Variants in ZNF782 observed in about 807,000 individuals in gnomAD.
The protein encoded by ZNF782 is zinc finger protein 782.
A neutral mutation model predicts 13.0 loss-of-function variants in ZNF782; 12 were observed. That is an observed-to-expected ratio of 0.92 (90% CI 0.59 to 1.50). The LOEUF (loss-of-function observed/expected upper bound fraction) is 1.50. Among genes scored for constraint, ZNF782 ranks in the 40% most tolerant of loss-of-function variants. The pLI is 0.00. For missense variants in ZNF782, 770 were observed against 822.9 expected, an observed-to-expected ratio of 0.94 and a Z score of 0.79; for synonymous variants, 284 against 283.0, an observed-to-expected ratio of 1.00 and a Z score of -0.04.
chr9:96,877,528 G>T (rs1336120897), upstream of ZNF782, among the ~76,000 whole-genome samples: 1 of 152,380 alleles, frequency 6.6e-6, no homozygotes, highest in East Asian at 1.9e-4. Flanking sequence ...TCCTCCGCGC[G>T]TCTCCCGCCT....
intron 3 of ZNF782, among the ~76,000 whole-genome samples, chr9:96,846,858 A>C (rs1163278673): frequency 6.6e-6 from 1 of 152,178 alleles, no homozygotes. Flanking sequence ...GATATTTACA[A>C]AATGCTCTCC....
chr9:96,897,118 G>A, the ZNF782 span, among the ~76,000 whole-genome samples: 1 of 152,234 alleles, frequency 6.6e-6, no homozygotes, highest in South Asian at 2.1e-4. Flanking sequence ...TATCCTCTGT[G>A]TGGAGCCTGG....
chr9:96,817,877 T>C lies in ZNF782; in HGVS notation c.*46A>G. 6.7e-7 allele frequency: 1 copy of C among 1,492,526 alleles called. No homozygotes were observed. The highest frequency in any genetic ancestry group is 1.4e-5 in the African/African-American group (1 of 71,116). The allele number at this position is 1,492,526 out of a possible 1,614,324, so 92.5% of individuals were successfully genotyped here. A position where few individuals can be genotyped will look rare whatever the true frequency, so the allele number is the denominator to read the frequency against. ...TGTGTTCATTTATGTATTGTGAGGT[T>C]TGATTTCCAGCTCAGAGTTTTTTCG... On this transcript the variant is annotated 3_prime_UTR_variant, in exon 6 of 6. Coordinates refer to ENST00000481138, the MANE Select transcript of ZNF782 (RefSeq NM_001001662.3).
chr9:96,838,993 C>T (rs570360188), intron 4 of ZNF782, among the ~76,000 whole-genome samples: 2 of 152,164 alleles, frequency 1.3e-5, no homozygotes, highest in African/African-American at 4.8e-5. Context: ...GGATTACAGT[C>T]GTGAGCCACA....
chr9:96,817,874 G>T lies in ZNF782; in HGVS notation c.*49C>A. The stretch of plus-strand genomic sequence containing the variant: ...CTGTGTGTTCATTTATGTATTGTGA[G>T]GTTTGATTTCCAGCTCAGAGTTTTT... On this transcript the variant is annotated 3_prime_UTR_variant, in exon 6 of 6. Transcript: ENST00000481138. 6.8e-7 allele frequency: 1 copy of T among 1,472,622 alleles called. No homozygotes were observed. The highest frequency in any genetic ancestry group is 9.1e-7 in the Non-Finnish European group (1 of 1,096,626). The allele number at this position is 1,472,622 out of a possible 1,614,324, so 91.2% of individuals were successfully genotyped here.
Position 96,819,103 on chromosome 9 carries a change from T to C in ZNF782, c.920A>G (p.His307Arg). 1.9e-6 allele frequency: 3 copies of C among 1,614,134 alleles called. No individual in the cohort carries two copies. Among genetic ancestry groups the C allele is most frequent in the Non-Finnish European group, 2.5e-6 (3 of 1,180,038 alleles). The change falls in exon 6 of 6, where the codon CAT (histidine) becomes CGT (arginine). Residue 307 changes from histidine (H) to arginine (R), a missense_variant. Physicochemically the swap from His to Arg is conservative, Grantham distance 29 (BLOSUM62 0). Coordinates refer to ENST00000481138, the MANE Select transcript of ZNF782 (RefSeq NM_001001662.3). Reference sequence around the variant, plus strand: ...ATATTCAAAGGGTTTCACCCCTATATGAACTCTATGATGTTCTCTAATGTG... The same window carrying C: ...ATATTCAAAGGGTTTCACCCCTATACGAACTCTATGATGTTCTCTAATGTG... ...KSHIREHHRV[H>R]IGVKPFEYGK... is the part of the protein sequence containing the mutation.
chr9:96,920,438 T>C, the ZNF782 span, among the ~76,000 whole-genome samples: 1 of 149,150 alleles, frequency 6.7e-6, no homozygotes, highest in African/African-American at 2.4e-5. Flanking sequence ...GGCTAATTTT[T>C]TGTATTTTTA....
the ZNF782 span, among the ~76,000 whole-genome samples, chr9:96,914,482 T>C: frequency 3.3e-5 from 5 of 151,664 alleles, no homozygotes; most frequent in Admixed American, 6.6e-5. Flanking sequence ...TATAGATGCT[T>C]GTTACATCTA....
the ZNF782 span, among the ~76,000 whole-genome samples, chr9:96,900,420 CAAG>C: frequency 1.3e-5 from 2 of 151,326 alleles, no homozygotes; most frequent in South Asian, 2.1e-4. Flanking sequence ...AAATGGCTTC[CAAG>C]AAGAATAGTA....
At chr9:96,912,198 GAAAAAAA>G in the ZNF782 span, among the ~76,000 whole-genome samples, 4 of 56,764 alleles carry the variant, frequency 7.0e-5, no homozygotes, top group East Asian at 3.2e-4. Flanking sequence ...ACTCCGTCTC[GAAAAAAA>G]AAAAAAAAAA....
chr9:96,826,830 G>A (rs1850638426), intron 5 of ZNF782, among the ~76,000 whole-genome samples: 1 of 152,156 alleles, frequency 6.6e-6, no homozygotes, highest in South Asian at 2.1e-4. Context: ...CCAGTTCTGG[G>A]TAGACAACAT....
intron 4 of ZNF782, among the ~76,000 whole-genome samples, chr9:96,835,947 G>A (rs910150246): frequency 6.6e-6 from 1 of 152,202 alleles, no homozygotes; most frequent in South Asian, 2.1e-4. Context: ...CAAAATTGTA[G>A]AGCCACCAGT....
intron 4 of ZNF782, among the ~76,000 whole-genome samples, chr9:96,833,324 CT>C (rs1019807795): frequency 6.6e-6 from 1 of 152,138 alleles, no homozygotes; most frequent in African/African-American, 2.4e-5. Flanking sequence ...TACCTAATGT[CT>C]TTTTCCTGTT....
At chr9:96,919,903 G>T in the ZNF782 span, among the ~76,000 whole-genome samples, 1,712 of 151,494 alleles carry the variant, frequency 0.011, 44 homozygotes, top group African/African-American at 0.039. Context: ...GTTTAGATTT[G>T]GGGACTAGCA....
At chr9:96,894,170 A>T in the ZNF782 span, 1 of 152,108 alleles carries the variant, frequency 6.6e-6, no homozygotes, top group South Asian at 2.1e-4. Flanking sequence ...AGGGCGGGGA[A>T]CATCACACAC....
In ZNF782 at chr9:96,818,518, CCT is replaced by C. The variant is rs773908576; in HGVS notation, c.1503_1504del (p.Glu503LysfsTer4). 10 of 1,613,800 alleles carry C rather than the reference CCT, an allele frequency of 6.2e-6. No individual in the cohort carries two copies. Among genetic ancestry groups the C allele is most frequent in the South Asian group, 3.3e-5 (3 of 91,028 alleles). ...TTCATCACATTTATATGGTCTTTCCCCTGTGTGAGTTCTTCGGTGATTCCTTA... is the reference window on the plus strand; with the variant it reads ...TTCATCACATTTATATGGTCTTTCCCGTGTGAGTTCTTCGGTGATTCCTTA... On this transcript the variant is annotated frameshift_variant, in exon 6 of 6. Coordinates refer to ENST00000481138, the MANE Select transcript of ZNF782 (RefSeq NM_001001662.3). LOFTEE classifies it low-confidence loss of function (END_TRUNC).
At chr9:96,894,306 ACGTTGTG>A in the ZNF782 span, 3 of 152,040 alleles carry the variant, frequency 2.0e-5, no homozygotes, top group Non-Finnish European at 4.4e-5. Flanking sequence ...ACAAACCTGC[ACGTTGTG>A]CACATGTACC....
the ZNF782 span, among the ~76,000 whole-genome samples, chr9:96,885,257 G>C: frequency 6.6e-6 from 1 of 151,848 alleles, no homozygotes; most frequent in Non-Finnish European, 1.5e-5. Flanking sequence ...GATTTTTTTG[G>C]AGTAAAAAAA....
At chr9:96,912,833 T>C in the ZNF782 span, among the ~76,000 whole-genome samples, 8 of 151,962 alleles carry the variant, frequency 5.3e-5, no homozygotes, top group Middle Eastern at 0.01. Flanking sequence ...GGCCTTTTTT[T>C]TCCGTTTTTT....
Sources: allele counts gnomAD v4.1 joint callset (sites outside exome capture counted in the v4.1 genomes callset), GRCh38; gene constraint gnomAD v4.1.1; transcripts MANE v1.5; gene names NCBI Gene and HGNC (gene_info 2026-07-23, HGNC 2026-07-21).